Variants in NCLN observed in about 807,000 individuals in gnomAD.
The protein encoded by NCLN is nicalin, also known as BOS complex subunit NCLN.
In NCLN, 34 loss-of-function variants were observed where a neutral mutation model predicts 69.5. The ratio of observed to expected loss-of-function variants is 0.49; its 90% confidence interval spans 0.37 to 0.65. The LOEUF is 0.65. Among genes scored for constraint, NCLN ranks in the 30% least tolerant of loss-of-function variants. NCLN has a pLI of 0.00. For synonymous variants in NCLN, 393 were observed against 358.3 expected (o/e 1.10, Z -1.09); for missense variants, 710 against 804.8 (o/e 0.88, Z 1.42).
Position 3,204,151 on chromosome 19 carries a change from G to T in NCLN, c.1029+7G>T, listed in dbSNP as rs1222163620. The T allele has an allele frequency of 6.6e-7, 1 of 1,507,128 alleles. No homozygotes were observed. Among genetic ancestry groups the T allele is most frequent in the Admixed American group, 2.2e-5 (1 of 44,812 alleles). 93.4% of individuals were successfully genotyped at this position (1,507,128 alleles called of 1,614,324 possible). A position where few individuals can be genotyped will look rare whatever the true frequency, so the allele number is the denominator to read the frequency against. On this transcript the variant is annotated splice_region_variant and intron_variant, in intron 8 of 14. Coordinates refer to ENST00000246117, the MANE Select transcript of NCLN (RefSeq NM_020170.4). Reference sequence around the variant, plus strand: ...CCTGCGGGAGCTGGAGACGGTGGGTGCCCCTTTCATGGATGGGTCCGGAGC... The same window carrying T: ...CCTGCGGGAGCTGGAGACGGTGGGTTCCCCTTTCATGGATGGGTCCGGAGC...
chr19:3,194,443 C>G (rs1450315919), intron 3 of NCLN, among the ~76,000 whole-genome samples: 1 of 152,182 alleles, frequency 6.6e-6, no homozygotes, highest in East Asian at 1.9e-4. Context: ...GCAGAGTTGG[C>G]TAACACTGGC....
chr19:3,201,518 T>G lies in NCLN; in HGVS notation c.697-5T>G. 6.5e-7 allele frequency: 1 copy of G among 1,549,852 alleles called. No individual in the cohort carries two copies. Among genetic ancestry groups the G allele is most frequent in the South Asian group, 1.2e-5 (1 of 84,976 alleles). On this transcript the variant is annotated splice_region_variant and splice_polypyrimidine_tract_variant and intron_variant, in intron 5 of 14. Transcript: ENST00000246117. ...ACTGTGGCCTTGCCTCTCCCGTCCCTGTAGTGGCTGTCGCTGGGCGCGGAC... is the reference window on the plus strand; with the variant it reads ...ACTGTGGCCTTGCCTCTCCCGTCCCGGTAGTGGCTGTCGCTGGGCGCGGAC...
At position 3,203,874 on chromosome 19, in the gene NCLN, C is replaced by T. The variant is rs376270368; in HGVS notation, c.889+30C>T. The T allele has an allele frequency of 3.7e-6, 6 of 1,605,070 alleles. No individual in the cohort carries two copies. In the African/African-American group the frequency reaches 4.0e-5, roughly 11 times the overall value. ...GCGGCCCCGGGTGGGGGTGGGGGTG[C>T]CGCGGTGGTGGTGCCGTGGGGAGGC... On this transcript the variant is annotated intron_variant, in intron 7 of 14. Transcript: ENST00000246117.
intron 5 of NCLN, among the ~76,000 whole-genome samples, 166 bp from the exon 6 acceptor site, chr19:3,201,357 T>A (rs1366443378): frequency 6.6e-6 from 1 of 151,960 alleles, no homozygotes; most frequent in African/African-American, 2.4e-5. Context: ...GCAGAGGGGC[T>A]GGGGGACAGC....
Position 3,207,704 on chromosome 19 carries a change from A to G in NCLN, c.*16A>G, listed in dbSNP as rs776633818. 55 of 1,604,824 alleles carry G rather than the reference A, an allele frequency of 3.4e-5. No individual in the cohort carries two copies. Among genetic ancestry groups the G allele is most frequent in the Non-Finnish European group, 4.6e-5 (54 of 1,173,154 alleles). ...GACACAGTGACACAGCCACCCCCAC[A>G]GCCGGAGCCCCCGCCGCTCCACAGT... On this transcript the variant is annotated 3_prime_UTR_variant, in exon 15 of 15. Coordinates refer to ENST00000246117, the MANE Select transcript of NCLN (RefSeq NM_020170.4).
At chr19:3,192,180 CCTGT>C (rs1915842217) in intron 1 of NCLN, among the ~76,000 whole-genome samples, 1 of 152,120 alleles carries the variant, frequency 6.6e-6, no homozygotes, top group Non-Finnish European at 1.5e-5. Flanking sequence ...AGAGTGAGAC[CCTGT>C]CTCAAAAACA....
Position 3,186,232 on chromosome 19 carries a change from A to ACCCTCGGGGCTCCCCGGGCTCC in NCLN, c.184+21_184+42dup, listed in dbSNP as rs750247950. On this transcript the variant is annotated intron_variant, in intron 1 of 14. Coordinates refer to ENST00000246117, the MANE Select transcript of NCLN (RefSeq NM_020170.4). ...GCCCTACGGTGCGTGTCCCCGGCCC[A>ACCCTCGGGGCTCCCCGGGCTCC]CCCTCGGGGCTCCCCGGGCTCCCCG... 24 of 1,468,984 alleles carry ACCCTCGGGGCTCCCCGGGCTCC rather than the reference A, an allele frequency of 1.6e-5. No individual in the cohort carries two copies. Among genetic ancestry groups the ACCCTCGGGGCTCCCCGGGCTCC allele is most frequent in the Non-Finnish European group, 2.2e-5 (24 of 1,110,718 alleles). 91.0% of individuals were successfully genotyped at this position (1,468,984 alleles called of 1,614,324 possible). A position where few individuals can be genotyped will look rare whatever the true frequency, so the allele number is the denominator to read the frequency against.
chr19:3,194,003 C>T (rs79021252), intron 3 of NCLN, among the ~76,000 whole-genome samples: 4,853 of 152,210 alleles, frequency 0.032, 203 homozygotes, highest in African/African-American at 0.098. Flanking sequence ...GGGGCTTGCC[C>T]GGGGCTGTCA....
rs549323169 is a variant in NCLN, at chr19:3,205,319, C to G, written c.1208+568C>G. Among the ~76,000 whole-genome samples the G allele has an allele frequency of 8.5e-5, 13 of 152,240 alleles. No homozygotes were observed. Among genetic ancestry groups the G allele is most frequent in the Non-Finnish European group, 1.2e-4 (8 of 68,040 alleles). The stretch of plus-strand genomic sequence containing the variant: ...AGGTGGGCGCCGTCTCCTCCCCCAG[C>G]GCCCGCAGTCCCGGCATAGATCCTT... On this transcript the variant is annotated intron_variant, in intron 9 of 14. Transcript: ENST00000246117. This position sits in a 1 kb window ranked among gnomAD's most constrained non-coding sequence, Gnocchi z 4.6.
chr19:3,194,737 T>C (rs1364014504), intron 3 of NCLN, among the ~76,000 whole-genome samples: 1 of 142,066 alleles, frequency 7.0e-6, no homozygotes, highest in Non-Finnish European at 1.5e-5. Flanking sequence ...GAAAGAGGAG[T>C]CGTCTTCTTT....
chr19:3,196,335 C>A, intron 4 of NCLN, 58 bp downstream of exon 4: 2 of 1,316,444 alleles, frequency 1.5e-6, no homozygotes, highest in South Asian at 1.3e-5. Flanking sequence ...TGCCATCCGC[C>A]TGGCTCCCCG....
At chr19:3,204,318 C>G (rs1173483612) in intron 8 of NCLN, among the ~76,000 whole-genome samples, 174 bp downstream of exon 8, 1 of 151,700 alleles carries the variant, frequency 6.6e-6, no homozygotes, top group Non-Finnish European at 1.5e-5. Context: ...GCTGTCCAAC[C>G]CCGGGGCTCT....
In NCLN at chr19:3,207,837, C is replaced by CT. The variant is rs887178006; in HGVS notation, c.*155dup. 1 of 637,686 alleles carries CT rather than the reference C, an allele frequency of 1.6e-6. No homozygotes were observed. The highest frequency in any genetic ancestry group is 1.8e-5 in the African/African-American group (1 of 54,360). The allele number at this position is 637,686 out of a possible 1,614,324, so 39.5% of individuals were successfully genotyped here. A position where few individuals can be genotyped will look rare whatever the true frequency, so the allele number is the denominator to read the frequency against. On this transcript the variant is annotated 3_prime_UTR_variant, in exon 15 of 15. Coordinates refer to ENST00000246117, the MANE Select transcript of NCLN (RefSeq NM_020170.4). ...GTGGTTGGAACACTGAATTACAGAG[C>CT]TTTTTTCTGTTGCTCTCCGAGACTG... is the stretch of plus-strand genomic sequence containing the variant.
At chr19:3,198,952 A>T in intron 5 of NCLN, 55 bp downstream of exon 5, 1 of 1,282,436 alleles carries the variant, frequency 7.8e-7, no homozygotes, top group East Asian at 2.8e-5. Flanking sequence ...TTCTGGCTCC[A>T]GTCCAGTGCC....
At chr19:3,203,327 A>T (rs975145142) in intron 6 of NCLN, among the ~76,000 whole-genome samples, 2 of 151,946 alleles carry the variant, frequency 1.3e-5, no homozygotes, top group Non-Finnish European at 2.9e-5. Context: ...AAAAAAAAAG[A>T]ATTCTTCTTC....
At position 3,206,147 on chromosome 19, in the gene NCLN, C is replaced by T. The variant is rs747650444; in HGVS notation, c.1297-5C>T. On this transcript the variant is annotated splice_region_variant and splice_polypyrimidine_tract_variant and intron_variant, in intron 10 of 14. Coordinates refer to ENST00000246117, the MANE Select transcript of NCLN (RefSeq NM_020170.4). ...ACTCAGGGCCATCCCCTCCTCTCTC[C>T]GCAGGGGACACCCCCAGACATGCCG... The T allele has an allele frequency of 7.2e-6, 11 of 1,521,888 alleles. No homozygotes were observed. Among genetic ancestry groups the T allele is most frequent in the Admixed American group, 4.1e-5 (2 of 48,666 alleles). 94.3% of individuals were successfully genotyped at this position (1,521,888 alleles called of 1,614,324 possible).
chr19:3,207,123 C>T, intron 12 of NCLN, 75 bp from the exon 13 acceptor site: 1 of 1,536,082 alleles, frequency 6.5e-7, no homozygotes, highest in Non-Finnish European at 9.0e-7. Context: ...CGTGCCCAGT[C>T]TCCATCTCTA....
intron 1 of NCLN, among the ~76,000 whole-genome samples, chr19:3,188,465 G>A (rs1457791610): frequency 2.0e-5 from 3 of 152,126 alleles, no homozygotes; most frequent in African/African-American, 7.2e-5. Flanking sequence ...GTGGCCTCTT[G>A]TTCTTCGCAG....
intron 1 of NCLN, among the ~76,000 whole-genome samples, chr19:3,190,842 G>T (rs529601654): frequency 6.6e-6 from 1 of 152,166 alleles, no homozygotes; most frequent in African/African-American, 2.4e-5. Context: ...GTTTTAGAGC[G>T]TTGCTTGTCT....
Sources: allele counts gnomAD v4.1 joint callset (sites outside exome capture counted in the v4.1 genomes callset), GRCh38; gene constraint gnomAD v4.1.1; non-coding constraint Gnocchi (gnomAD v3.1); transcripts MANE v1.5; gene names NCBI Gene and HGNC (gene_info 2026-07-23, HGNC 2026-07-21).